The following GLUL variants were observed in gnomAD, a reference collection of about 807,000 sequenced individuals.
GLUL encodes the protein glutamine synthetase.
GLUL carries 8 observed loss-of-function variants against 36.9 expected under a neutral mutation model. The ratio of observed to expected loss-of-function variants is 0.22; its 90% CI spans 0.13 to 0.39. The LOEUF is 0.39. Ranked by LOEUF, GLUL falls within the 10% of genes least tolerant of loss-of-function variation. The pLI is 1.00. For synonymous variants in GLUL, 182 were observed against 172.8 expected (o/e 1.05, Z -0.42); for missense variants, 315 against 501.8 (o/e 0.63, Z 3.56).
Position 182,386,483 on chromosome 1 carries a change from C to T in GLUL, c.329-81G>A, listed in dbSNP as rs972661883. ...TACCGATGCTGATGGGAGAATAGTC[C>T]TTGGATTCTATACAACTGAGGTGTG... On this transcript the variant is annotated intron_variant, in intron 3 of 6. Transcript: ENST00000331872. 12 of 1,065,976 alleles carry T rather than the reference C, an allele frequency of 1.1e-5. No individual in the cohort carries two copies. In the African/African-American group the frequency reaches 1.9e-4, roughly 17 times the overall value. The allele number at this position is 1,065,976 out of a possible 1,614,324, so 66.0% of individuals were successfully genotyped here.
intron 1 of GLUL, chr1:182,390,864 C>A: frequency 2.5e-6 from 1 of 399,134 alleles, no homozygotes; most frequent in Non-Finnish European, 4.4e-6. Flanking sequence ...TTCCCGCCCC[C>A]GAGGGAGTTA....
chr1:182,386,867 G>T, intron 3 of GLUL: 1 of 547,862 alleles, frequency 1.8e-6, no homozygotes, highest in Non-Finnish European at 3.3e-6. Flanking sequence ...CAGGCAGGAA[G>T]GCTGTTACTG....
intron 2 of GLUL, among the ~76,000 whole-genome samples, chr1:182,387,495 G>C (rs1254200144): frequency 6.6e-6 from 1 of 152,096 alleles, no homozygotes; most frequent in Non-Finnish European, 1.5e-5. Context: ...TTCCAAGTAA[G>C]ACCATTGTAC....
chr1:182,385,324 A>G lies in GLUL; in HGVS notation c.803+33T>C, dbSNP rs1285596489. 4.7e-6 allele frequency: 7 copies of G among 1,500,206 alleles called. No individual in the cohort carries two copies. In the East Asian group the frequency reaches 1.6e-4, roughly 34 times the overall value. 92.9% of individuals were successfully genotyped at this position (1,500,206 alleles called of 1,614,324 possible). ...CTCCTCCCAAGTTTTCTGCCACAGG[A>G]GATTAAAGATGGCCCCAGCAGAAGG... is the stretch of plus-strand genomic sequence containing the variant. On this transcript the variant is annotated intron_variant, in intron 6 of 6. Transcript: ENST00000331872.
At chr1:182,384,879 G>A (rs1034440992) in intron 6 of GLUL, 156 bp from the exon 7 acceptor site, 4 of 683,968 alleles carry the variant, frequency 5.8e-6, no homozygotes, top group South Asian at 3.1e-5. Context: ...AACAGTGCCC[G>A]ACAAGCAGTA....
At chr1:182,385,026 CCT>C (rs374205801) in intron 6 of GLUL, 333 of 363,770 alleles carry the variant, frequency 9.2e-4, no homozygotes, top group African/African-American at 7.2e-3. Flanking sequence ...TCAACTTTTC[CCT>C]GTCACCATGA....
In GLUL at chr1:182,381,285, T is replaced by C. The variant is rs961355553; in HGVS notation, c.*3120A>G. Among the ~76,000 whole-genome samples the C allele has an allele frequency of 6.6e-6, 1 of 152,132 alleles. No homozygotes were observed. The highest frequency in any genetic ancestry group is 1.5e-5 in the Non-Finnish European group (1 of 68,014). ...CCGTCTCAAAAACAACAAAAGGCCC[T>C]AGACAACACCCATCCATGGAATTCT... On this transcript the variant is annotated 3_prime_UTR_variant, in exon 7 of 7. Transcript: ENST00000331872.
rs1271272586 is a variant in GLUL, at chr1:182,378,438, T to C, written c.*5967A>G. Among the ~76,000 whole-genome samples, 1 of 152,248 alleles carries C rather than the reference T, an allele frequency of 6.6e-6. No individual in the cohort carries two copies. The highest frequency in any genetic ancestry group is 2.4e-5 in the African/African-American group (1 of 41,468). The stretch of plus-strand genomic sequence containing the variant: ...TGCTCAAATATTTATTAATTGACAG[T>C]GTCCGACAACCTCCTGTCCATAAAG... On this transcript the variant is annotated 3_prime_UTR_variant, in exon 7 of 7. Transcript: ENST00000331872.
Position 182,381,739 on chromosome 1 carries a change from G to A in GLUL, c.*2666C>T, listed in dbSNP as rs1649934797. On this transcript the variant is annotated 3_prime_UTR_variant, in exon 7 of 7. Transcript: ENST00000331872. ...GCCTCTTCAGTTTAGTGCTTACACT[G>A]TAGGATACACCATCCAAGAGGCTGT... The A allele has an allele frequency of 6.6e-6, 1 of 152,186 alleles. No individual in the cohort carries two copies. Among genetic ancestry groups the A allele is most frequent in the Non-Finnish European group, 1.5e-5 (1 of 68,042 alleles). 9.4% of individuals were successfully genotyped at this position (152,186 alleles called of 1,614,324 possible). A position where few individuals can be genotyped will look rare whatever the true frequency, so the allele number is the denominator to read the frequency against.
Position 182,379,681 on chromosome 1 carries a change from C to T in GLUL, c.*4724G>A, listed in dbSNP as rs1331076486. 6.6e-6 allele frequency among the ~76,000 whole-genome samples: 1 copy of T among 151,924 alleles called. No homozygotes were observed. Among genetic ancestry groups the T allele is most frequent in the Non-Finnish European group, 1.5e-5 (1 of 67,996 alleles). On this transcript the variant is annotated 3_prime_UTR_variant, in exon 7 of 7. Coordinates refer to ENST00000331872, the MANE Select transcript of GLUL (RefSeq NM_001033044.4). ...TCCCAGGTAGCTAGGACTACAGGTG[C>T]ATGCCACCACGCCCAGCTAATTTTT...
rs1650412235 is a variant in GLUL at position 182,391,406 on chromosome 1, A to T, written c.-14+273T>A. 1.3e-5 allele frequency: 5 copies of T among 395,354 alleles called. No homozygotes were observed. In the East Asian group the frequency reaches 1.8e-4, roughly 14 times the overall value. 24.5% of individuals were successfully genotyped at this position (395,354 alleles called of 1,614,324 possible). On this transcript the variant is annotated intron_variant, in intron 1 of 6. Coordinates refer to ENST00000331872, the MANE Select transcript of GLUL (RefSeq NM_001033044.4). ...GGCGGCGCTTCGGCCGCAAGTAGTG[A>T]AAAGAAGATCAAAACAACTCACCCC... is the stretch of plus-strand genomic sequence containing the variant.
intron 1 of GLUL, chr1:182,390,946 C>T: frequency 5.0e-6 from 2 of 398,280 alleles, no homozygotes; most frequent in East Asian, 3.6e-5. Context: ...CCCTCGGGCC[C>T]CCGTCCGAAT....
In GLUL at chr1:182,380,322, T is replaced by A. The variant is rs937617425; in HGVS notation, c.*4083A>T. Reference sequence around the variant, plus strand: ...TTTTGGGGTTTTGTTTGTTTTGTTTTGTTTAGGCAAGGTCTTGATCTGTCA... The same window carrying A: ...TTTTGGGGTTTTGTTTGTTTTGTTTAGTTTAGGCAAGGTCTTGATCTGTCA... On this transcript the variant is annotated 3_prime_UTR_variant, in exon 7 of 7. Coordinates refer to ENST00000331872, the MANE Select transcript of GLUL (RefSeq NM_001033044.4). Among the ~76,000 whole-genome samples, 1 of 152,240 alleles carries A rather than the reference T, an allele frequency of 6.6e-6. No individual in the cohort carries two copies. The highest frequency in any genetic ancestry group is 2.4e-5 in the African/African-American group (1 of 41,462).
chr1:182,388,542 C>T (rs753895381), intron 2 of GLUL, 30 bp downstream of exon 2: 1 of 1,604,182 alleles, frequency 6.2e-7, no homozygotes, highest in Non-Finnish European at 8.5e-7. Flanking sequence ...TCCCACCCAG[C>T]ATGTGCTCCA....
At chr1:182,388,784 C>A (rs1283729566) in intron 1 of GLUL, 34 bp from the exon 2 acceptor site, 1 of 1,546,694 alleles carries the variant, frequency 6.5e-7, no homozygotes, top group South Asian at 1.1e-5. Context: ...ATTGTTAACG[C>A]CCACTCCAAA....
chr1:182,388,868 T>A, intron 1 of GLUL, 118 bp from the exon 2 acceptor site: 2 of 794,370 alleles, frequency 2.5e-6, no homozygotes, highest in East Asian at 5.0e-5. Context: ...ACTCCTTCCC[T>A]TGTGGAAGTC....
intron 2 of GLUL, 75 bp downstream of exon 2, chr1:182,388,497 G>C: frequency 1.6e-6 from 2 of 1,283,590 alleles, no homozygotes; most frequent in East Asian, 4.6e-5. Context: ...TAATCCAGAG[G>C]CTGAGTCAAA....
Position 182,380,388 on chromosome 1 carries a change from G to A in GLUL, c.*4017C>T, listed in dbSNP as rs1649886116. ...AGTGGTGCAATCACAATTCACTGCA[G>A]CTTCAATTTCCTGGGCTCAAGTCAT... is the stretch of plus-strand genomic sequence containing the variant. On this transcript the variant is annotated 3_prime_UTR_variant, in exon 7 of 7. Transcript: ENST00000331872. Among the ~76,000 whole-genome samples, 1 of 152,152 alleles carries A rather than the reference G, an allele frequency of 6.6e-6. No individual in the cohort carries two copies.
rs1276975118 is a variant in GLUL, at chr1:182,378,184, A to G, written c.*6221T>C. On this transcript the variant is annotated 3_prime_UTR_variant, in exon 7 of 7. Transcript: ENST00000331872. ...AGTGACTGAGGGCCCACTGGAGTTT[A>G]ACTAATAGATCTGCTGACTACGCCG... Among the ~76,000 whole-genome samples the G allele has an allele frequency of 6.6e-6, 1 of 152,226 alleles. No individual in the cohort carries two copies. The highest frequency in any genetic ancestry group is 1.5e-5 in the Non-Finnish European group (1 of 68,030).
Sources: gnomAD v4.1 joint callset for allele counts (sites outside exome capture counted in the v4.1 genomes callset) on GRCh38, gnomAD v4.1.1 for gene constraint, MANE v1.5 for transcripts, NCBI Gene and HGNC (gene_info 2026-07-23, HGNC 2026-07-21) for gene names.